WDFY3: variants seen among roughly 807,000 people sequenced by gnomAD.
WDFY3 encodes the protein WD repeat and FYVE domain-containing protein 3.
A neutral mutation model predicts 409.6 loss-of-function variants in WDFY3; 66 were observed. That is an observed-to-expected ratio of 0.16 (90% CI 0.13 to 0.20). The LOEUF is 0.20. WDFY3 is among the 10% of genes least tolerant of loss of function. WDFY3 has a pLI of 1.00. For synonymous variants in WDFY3, 1,521 were observed against 1,537.1 expected (o/e 0.99, Z 0.25); for missense variants, 3,031 against 4,298.1 (o/e 0.71, Z 8.24).
intron 13 of WDFY3, among the ~76,000 whole-genome samples, chr4:84,815,341 CT>C (rs1450416303): frequency 6.6e-6 from 1 of 152,128 alleles, no homozygotes; most frequent in African/African-American, 2.4e-5. Context: ...CCCTTTTCCC[CT>C]AAAAGCTTCA....
rs755510569 is a variant in WDFY3, at chr4:84,796,755, G to GT, written c.2936-4dup. The GT allele has an allele frequency of 2.2e-5, 36 of 1,602,380 alleles. No individual in the cohort carries two copies. The highest frequency in any genetic ancestry group is 2.6e-5 in the Non-Finnish European group (30 of 1,172,280). The stretch of plus-strand genomic sequence containing the variant: ...TTCCAGAGATGTGATCATACTACCT[G>GT]TAAGTCAAGGAAATCTCTTGGGAAA... On this transcript the variant is annotated splice_region_variant and splice_polypyrimidine_tract_variant and intron_variant, in intron 18 of 67. Coordinates refer to ENST00000295888, the MANE Select transcript of WDFY3 (RefSeq NM_014991.6).
chr4:84,726,748 G>T (rs2149118962), intron 45 of WDFY3, 113 bp downstream of exon 45: 1 of 909,568 alleles, frequency 1.1e-6, no homozygotes, highest in Non-Finnish European at 1.6e-6. Flanking sequence ...AGAACAAATT[G>T]AAAGCCAATC....
intron 67 of WDFY3, among the ~76,000 whole-genome samples, chr4:84,674,185 G>T (rs1386989923): frequency 6.6e-6 from 1 of 152,148 alleles, no homozygotes; most frequent in African/African-American, 2.4e-5. Context: ...ATAATTTAAA[G>T]AATTACCTAT....
At chr4:84,874,151 C>T (rs1762474236) in intron 3 of WDFY3, among the ~76,000 whole-genome samples, 1 of 151,782 alleles carries the variant, frequency 6.6e-6, no homozygotes. Context: ...AGGTGGCTCA[C>T]ACCTGTAATC....
chr4:84,854,398 G>A (rs1759461617), intron 4 of WDFY3, among the ~76,000 whole-genome samples: 1 of 152,190 alleles, frequency 6.6e-6, no homozygotes, highest in African/African-American at 2.4e-5. Context: ...AGGTAGCAAA[G>A]AAAATAGTGT....
At chr4:84,767,192 A>G (rs749655931) in intron 30 of WDFY3, among the ~76,000 whole-genome samples, 26 of 151,722 alleles carry the variant, frequency 1.7e-4, no homozygotes, top group Non-Finnish European at 1.3e-4. Context: ...AAACTTTTTC[A>G]TTATTGTAAT....
chr4:84,820,061 T>C, intron 12 of WDFY3, 24 bp downstream of exon 12: 1 of 1,575,992 alleles, frequency 6.3e-7, no homozygotes, highest in Non-Finnish European at 8.6e-7. Flanking sequence ...TCCCAAAGTA[T>C]TTGCTTGCAG....
At chr4:84,752,596 T>A (rs181801589) in intron 35 of WDFY3, among the ~76,000 whole-genome samples, 33 of 151,982 alleles carry the variant, frequency 2.2e-4, no homozygotes, top group Admixed American at 7.2e-4. Context: ...CTTTTTTTTT[T>A]AAACCAAAAA....
At chr4:84,698,640 T>C (rs548786408) in intron 56 of WDFY3, among the ~76,000 whole-genome samples, 3 of 152,156 alleles carry the variant, frequency 2.0e-5, no homozygotes, top group Non-Finnish European at 4.4e-5. Flanking sequence ...GACCCCAGGG[T>C]GAATATTACT....
In WDFY3 at chr4:84,821,078, C is replaced by T. The variant is rs749996026; in HGVS notation, c.1591+6G>A. ...AATAAAAATAAAATTACAGACAATA[C>T]TTTACCTTGTTCATTTAGTGCCTGA... On this transcript the variant is annotated splice_donor_region_variant and intron_variant, in intron 11 of 67. Coordinates refer to ENST00000295888, the MANE Select transcript of WDFY3 (RefSeq NM_014991.6). 3 of 1,596,310 alleles carry T rather than the reference C, an allele frequency of 1.9e-6. No individual in the cohort carries two copies. Among genetic ancestry groups the T allele is most frequent in the East Asian group, 4.5e-5 (2 of 44,684 alleles).
At chr4:84,854,862 T>C (rs975942077) in intron 4 of WDFY3, among the ~76,000 whole-genome samples, 3 of 152,168 alleles carry the variant, frequency 2.0e-5, no homozygotes, top group African/African-American at 7.2e-5. Context: ...TGAGCCAAGA[T>C]GGTACCATGG....
intron 51 of WDFY3, among the ~76,000 whole-genome samples, chr4:84,711,284 A>G (rs1376765872): frequency 6.6e-6 from 1 of 152,240 alleles, no homozygotes; most frequent in Admixed American, 6.5e-5. Context: ...GAATACATAA[A>G]AACAGAAGTT....
chr4:84,895,339 G>A (rs1309956821), intron 3 of WDFY3, among the ~76,000 whole-genome samples: 2 of 152,154 alleles, frequency 1.3e-5, no homozygotes, highest in East Asian at 3.9e-4. Flanking sequence ...AGAACACAGG[G>A]AAAAGGCAGT....
chr4:84,840,701 T>C (rs1757216415), intron 6 of WDFY3, among the ~76,000 whole-genome samples: 4 of 152,038 alleles, frequency 2.6e-5, no homozygotes, highest in Admixed American at 1.3e-4. Context: ...CCTCAGCCTC[T>C]GAACAGCTGG....
chr4:84,949,729 A>C (rs1773355080), intron 1 of WDFY3, among the ~76,000 whole-genome samples: 1 of 152,166 alleles, frequency 6.6e-6, no homozygotes, highest in African/African-American at 2.4e-5. Flanking sequence ...CTTTCTCTAC[A>C]ACCTTGATTC....
chr4:84,845,912 A>T (rs1758022458), intron 5 of WDFY3, among the ~76,000 whole-genome samples: 1 of 152,162 alleles, frequency 6.6e-6, no homozygotes, highest in East Asian at 1.9e-4. Context: ...TTTAAAAAAA[A>T]AAAAGGCAGA....
intron 58 of WDFY3, among the ~76,000 whole-genome samples, chr4:84,694,924 T>C (rs1191014997): frequency 2.0e-5 from 3 of 152,124 alleles, no homozygotes; most frequent in Non-Finnish European, 4.4e-5. Flanking sequence ...TGAGCCATTG[T>C]TTTGTGTGTT....
At chr4:84,699,370 A>G (rs1730704370) in intron 56 of WDFY3, among the ~76,000 whole-genome samples, 1 of 152,152 alleles carries the variant, frequency 6.6e-6, no homozygotes, top group South Asian at 2.1e-4. Flanking sequence ...GTTCAATCAC[A>G]TTGTAGAGTT....
chr4:84,845,037 T>C (rs1482627632), intron 5 of WDFY3, among the ~76,000 whole-genome samples: 2 of 152,218 alleles, frequency 1.3e-5, no homozygotes, highest in East Asian at 1.9e-4. Flanking sequence ...AAACTTCAGA[T>C]AGATGTAAAC....
Sources: allele counts gnomAD v4.1 joint callset (sites outside exome capture counted in the v4.1 genomes callset), GRCh38; gene constraint gnomAD v4.1.1; transcripts MANE v1.5; gene names NCBI Gene and HGNC (gene_info 2026-07-23, HGNC 2026-07-21).